The following LIN28B variants were observed in gnomAD, a reference collection of about 807,000 sequenced individuals.
The protein encoded by LIN28B is lin-28 RNA binding posttranscriptional regulator B, also known as protein lin-28 homolog B.
Under a neutral mutation model 21.9 loss-of-function variants are expected in LIN28B, and 5 were observed. The observed-to-expected ratio is 0.23, with a 90% CI of 0.12 to 0.48. LIN28B has a LOEUF of 0.48. Ranked by LOEUF, LIN28B falls within the 20% of genes least tolerant of loss-of-function variation. The probability of loss-of-function intolerance (pLI) is 0.98; values close to 1 mark genes in which losing one functional copy is unlikely to be tolerated. For missense variants in LIN28B, 245 were observed against 310.5 expected (o/e 0.79, Z 1.58); for synonymous variants, 109 against 111.3 (o/e 0.98, Z 0.13).
upstream of LIN28B, among the ~76,000 whole-genome samples, chr6:104,953,359 T>C (rs1582860463): frequency 6.6e-6 from 1 of 152,188 alleles, no homozygotes; most frequent in African/African-American, 2.4e-5. Flanking sequence ...TCCCTCTCTT[T>C]GACCGCACTT....
upstream of LIN28B, among the ~76,000 whole-genome samples, chr6:104,953,966 GA>G (rs1170116880): frequency 6.6e-6 from 1 of 152,108 alleles, no homozygotes; most frequent in African/African-American, 2.4e-5. Context: ...TGTACTGTTG[GA>G]AAAAAAGTCT....
Position 105,078,945 on chromosome 6 carries a change from T to C in LIN28B, c.*162T>C, listed in dbSNP as rs1465443195. The C allele has an allele frequency of 7.0e-6, 5 of 713,714 alleles. No homozygotes were observed. Among genetic ancestry groups the C allele is most frequent in the Non-Finnish European group, 1.1e-5 (5 of 441,616 alleles). The allele number at this position is 713,714 out of a possible 1,614,324, so 44.2% of individuals were successfully genotyped here. A position where few individuals can be genotyped will look rare whatever the true frequency, so the allele number is the denominator to read the frequency against. On this transcript the variant is annotated 3_prime_UTR_variant, in exon 4 of 4. Coordinates refer to ENST00000345080, the MANE Select transcript of LIN28B (RefSeq NM_001004317.4). ...GACAAATCACTCTAAGCAAATTACA[T>C]TTGAGCAGGGTGTCATGTTTTATGT...
At chr6:105,034,354 A>G (rs1771481697) in intron 3 of LIN28B, among the ~76,000 whole-genome samples, 1 of 151,912 alleles carries the variant, frequency 6.6e-6, no homozygotes, top group Non-Finnish European at 1.5e-5. Flanking sequence ...ATTTTGTTCA[A>G]TATTTAGTTT....
chr6:105,081,593 G>A lies in LIN28B; in HGVS notation c.*2810G>A, dbSNP rs1014010157. On this transcript the variant is annotated 3_prime_UTR_variant, in exon 4 of 4. Coordinates refer to ENST00000345080, the MANE Select transcript of LIN28B (RefSeq NM_001004317.4). ...ACACTTGTGAATAATGAAGCATCTC[G>A]TTTTAGTTAGCAAAGTCTCCAAACA... is the stretch of plus-strand genomic sequence containing the variant. The A allele has an allele frequency of 3.3e-5, 5 of 152,360 alleles. No homozygotes were observed. The highest frequency in any genetic ancestry group is 1.2e-4 in the African/African-American group (5 of 41,560). 9.4% of individuals were successfully genotyped at this position (152,360 alleles called of 1,614,324 possible). A position where few individuals can be genotyped will look rare whatever the true frequency, so the allele number is the denominator to read the frequency against.
intron 2 of LIN28B, among the ~76,000 whole-genome samples, chr6:104,944,472 C>G (rs1230584256): frequency 6.6e-6 from 1 of 152,004 alleles, no homozygotes; most frequent in African/African-American, 2.4e-5. Flanking sequence ...TATGTGATAT[C>G]AAGCTTAAAT....
chr6:105,031,629 G>A (rs954287416), intron 3 of LIN28B, among the ~76,000 whole-genome samples: 3 of 151,500 alleles, frequency 2.0e-5, no homozygotes, highest in Admixed American at 6.6e-5. Flanking sequence ...TGCCTCCCAG[G>A]TTCACACCAT....
chr6:104,966,533 A>G (rs1029985604), intron 2 of LIN28B, among the ~76,000 whole-genome samples: 1 of 151,874 alleles, frequency 6.6e-6, no homozygotes, highest in Non-Finnish European at 1.5e-5. Context: ...GGCTCACTGC[A>G]ACCTCAAACT....
rs1772488565 is a variant in LIN28B at position 105,079,036 on chromosome 6, C to CTG, written c.*261_*262dup. On this transcript the variant is annotated 3_prime_UTR_variant, in exon 4 of 4. Coordinates refer to ENST00000345080, the MANE Select transcript of LIN28B (RefSeq NM_001004317.4). ...TGTGTGAGAGGGAGAGAGCCTGAGT[C>CTG]TGTGTGTGTACATGAGGATTTTTAT... The CTG allele has an allele frequency of 4.8e-6, 2 of 414,386 alleles. No individual in the cohort carries two copies. 25.7% of individuals were successfully genotyped at this position (414,386 alleles called of 1,614,324 possible). A position where few individuals can be genotyped will look rare whatever the true frequency, so the allele number is the denominator to read the frequency against.
chr6:105,064,171 G>GTTTATGATTTTTT (rs1772179106), intron 3 of LIN28B, among the ~76,000 whole-genome samples: 1 of 152,060 alleles, frequency 6.6e-6, no homozygotes, highest in Non-Finnish European at 1.5e-5. Flanking sequence ...TTTCAAAAAA[G>GTTTATGATTTTTT]GCAGCATTAT....
At chr6:105,028,571 A>G (rs1375127272) in intron 3 of LIN28B, among the ~76,000 whole-genome samples, 1 of 152,196 alleles carries the variant, frequency 6.6e-6, no homozygotes, top group African/African-American at 2.4e-5. Flanking sequence ...ATCAGAGGAA[A>G]AGAGTCCAGG....
intron 2 of LIN28B, among the ~76,000 whole-genome samples, chr6:104,968,820 T>C (rs992264776): frequency 6.6e-6 from 1 of 152,196 alleles, no homozygotes; most frequent in African/African-American, 2.4e-5. Flanking sequence ...AAATGAATTG[T>C]CTTTATCCTT....
At chr6:104,979,677 T>C (rs1352356989) in intron 2 of LIN28B, among the ~76,000 whole-genome samples, 1 of 152,214 alleles carries the variant, frequency 6.6e-6, no homozygotes, top group Non-Finnish European at 1.5e-5. Flanking sequence ...ACTTTCAATT[T>C]TCTTTGTCAA....
intron 3 of LIN28B, among the ~76,000 whole-genome samples, chr6:105,043,191 CTGAGGCAGGTGGATCACT>C (rs1771672527): frequency 6.6e-6 from 1 of 151,896 alleles, no homozygotes; most frequent in African/African-American, 2.4e-5. Flanking sequence ...CTTTGGGAGG[CTGAGGCAGGTGGATCACT>C]TGAGATCAGG....
At chr6:104,997,205 C>T (rs1361230379) in intron 2 of LIN28B, among the ~76,000 whole-genome samples, 1 of 150,164 alleles carries the variant, frequency 6.7e-6, no homozygotes, top group Non-Finnish European at 1.5e-5. Context: ...GGCGTGGACC[C>T]GGGAGGCAGA....
chr6:105,031,341 T>A (rs1771418972), intron 3 of LIN28B, among the ~76,000 whole-genome samples: 2 of 152,088 alleles, frequency 1.3e-5, no homozygotes, highest in Admixed American at 1.3e-4. Context: ...ATAAGATACT[T>A]TCATACTGAC....
At chr6:104,940,518 C>CCGCGGCCGCG (rs1274860659) in intron 2 of LIN28B, 1 of 152,100 alleles carries the variant, frequency 6.6e-6, no homozygotes, top group Non-Finnish European at 1.5e-5. Flanking sequence ...TAAAGCTCCA[C>CCGCGGCCGCG]CGCGGCCGCG....
At chr6:105,005,698 C>T (rs1267174762) in intron 2 of LIN28B, among the ~76,000 whole-genome samples, 1 of 152,160 alleles carries the variant, frequency 6.6e-6, no homozygotes, top group Admixed American at 6.5e-5. Flanking sequence ...AGGCCTCCCA[C>T]TCATGCTTCC....
At chr6:105,067,727 GAAA>G (rs542728594) in intron 3 of LIN28B, among the ~76,000 whole-genome samples, 1 of 152,140 alleles carries the variant, frequency 6.6e-6, no homozygotes, top group South Asian at 2.1e-4. Flanking sequence ...GTACAAAGTA[GAAA>G]ACTTTCATCA....
chr6:105,045,173 A>T (rs1038676136), intron 3 of LIN28B, among the ~76,000 whole-genome samples: 2 of 151,984 alleles, frequency 1.3e-5, no homozygotes, highest in Non-Finnish European at 2.9e-5. Context: ...TATATCTTAT[A>T]TAGGTAAGCC....
Sources: allele counts gnomAD v4.1 joint callset (sites outside exome capture counted in the v4.1 genomes callset), GRCh38; gene constraint gnomAD v4.1.1; transcripts MANE v1.5; gene names NCBI Gene and HGNC (gene_info 2026-07-23, HGNC 2026-07-21).